DISC1: variants seen among roughly 807,000 people sequenced by gnomAD.
DISC1 encodes the protein DISC1 scaffold protein.
Under a neutral mutation model 84.5 loss-of-function variants are expected in DISC1, and 57 were observed. The observed-to-expected ratio is 0.67, with a 90% CI of 0.55 to 0.84. The LOEUF is 0.84. Ranked by LOEUF, DISC1 falls within the 40% of genes least tolerant of loss-of-function variation. DISC1 has a pLI of 0.00. For missense variants in DISC1, 1,000 were observed against 1,057.8 expected, an observed-to-expected ratio of 0.95 and a Z score of 0.76; for synonymous variants, 411 against 415.2, an observed-to-expected ratio of 0.99 and a Z score of 0.12.
At chr1:231,673,806 G>A (rs2062854977) in intron 1 of DISC1, among the ~76,000 whole-genome samples, 1 of 152,220 alleles carries the variant, frequency 6.6e-6, no homozygotes. Flanking sequence ...AGGTTGGAGT[G>A]TCTCATAGAT....
chr1:232,024,016 T>A (rs57191731), intron 11 of DISC1, among the ~76,000 whole-genome samples: 3,228 of 138,760 alleles, frequency 0.023, 94 homozygotes, highest in African/African-American at 0.07. Context: ...TCAGTAAAAA[T>A]ATATATATAT....
intron 9 of DISC1, among the ~76,000 whole-genome samples, chr1:231,856,940 G>A (rs907429038): frequency 2.6e-5 from 4 of 152,196 alleles, no homozygotes; most frequent in Admixed American, 6.5e-5. Context: ...GCAATCCTGC[G>A]GCGGCAGCAT....
Position 231,770,852 on chromosome 1 carries a change from C to G in DISC1, c.1416C>G (p.Leu472=). ...CTCTACAGAAAGAAATCGAAGCTCTCCAAGCAAGGATGTTTGTGCTGGAAG... is the reference window on the plus strand; with the variant it reads ...CTCTACAGAAAGAAATCGAAGCTCTGCAAGCAAGGATGTTTGTGCTGGAAG... ...KQQLQKEIEA[L]QARMFVLEAK... Residue 472 remains leucine (L), a synonymous_variant, in exon 6 of 13, where the codon CTC becomes CTG. Transcript: ENST00000439617. 6.2e-7 allele frequency: 1 copy of G among 1,614,146 alleles called. No homozygotes were observed. The highest frequency in any genetic ancestry group is 8.5e-7 in the Non-Finnish European group (1 of 1,180,016).
chr1:231,819,008 A>C, intron 9 of DISC1: 1 of 995,500 alleles, frequency 1.0e-6, no homozygotes, highest in Non-Finnish European at 1.2e-6. Context: ...ATGCCGCCTT[A>C]GCCAAAGTGT....
chr1:231,844,095 C>T (rs1487316291), intron 9 of DISC1, among the ~76,000 whole-genome samples: 2 of 152,164 alleles, frequency 1.3e-5, no homozygotes, highest in African/African-American at 2.4e-5. Context: ...GGAGGACCGG[C>T]AGGAGTGTGT....
At chr1:231,764,405 A>G (rs892076656) in intron 4 of DISC1, among the ~76,000 whole-genome samples, 10 of 152,254 alleles carry the variant, frequency 6.6e-5, no homozygotes, top group African/African-American at 2.4e-4. Context: ...GATCAATGGA[A>G]AGAAATGATT....
intron 3 of DISC1, among the ~76,000 whole-genome samples, chr1:231,730,258 T>C (rs1167423562): frequency 2.0e-5 from 3 of 152,212 alleles, no homozygotes; most frequent in Non-Finnish European, 4.4e-5. Flanking sequence ...ATTTGTATGA[T>C]TCCAAAAATA....
rs534703275 is a variant in DISC1, at chr1:231,647,568, T to G, written c.67+20634T>G. 5.3e-5 allele frequency among the ~76,000 whole-genome samples: 8 copies of G among 152,334 alleles called. No homozygotes were observed. The South Asian group carries it at 1.7e-3, about 32-fold the overall frequency. On this transcript the variant is annotated intron_variant, in intron 1 of 12. Coordinates refer to ENST00000439617, the MANE Select transcript of DISC1 (RefSeq NM_018662.3). ...CTCTTTTTTGGTTCCATATGAACTT[T>G]AAAGTAGTTTTTTCCAATTCTGTGA...
chr1:231,648,205 A>G (rs2060298352), intron 1 of DISC1, among the ~76,000 whole-genome samples: 1 of 152,222 alleles, frequency 6.6e-6, no homozygotes, highest in Non-Finnish European at 1.5e-5. Flanking sequence ...TTTGTCATAA[A>G]TAGCTCTTAT....
At chr1:232,035,212 G>A (rs1434325982) in intron 12 of DISC1, among the ~76,000 whole-genome samples, 1 of 152,160 alleles carries the variant, frequency 6.6e-6, no homozygotes, top group African/African-American at 2.4e-5. Context: ...CACTTTGGGA[G>A]GCCAAGGCAG....
At chr1:231,804,906 C>T (rs554290641) in intron 8 of DISC1, among the ~76,000 whole-genome samples, 3 of 152,132 alleles carry the variant, frequency 2.0e-5, no homozygotes, top group East Asian at 3.9e-4. Context: ...AAGCGTAATC[C>T]GGCCATGTTG....
chr1:231,642,470 G>A (rs1572420077), intron 1 of DISC1, among the ~76,000 whole-genome samples: 1 of 152,254 alleles, frequency 6.6e-6, no homozygotes, highest in African/African-American at 2.4e-5. Flanking sequence ...GTCACCTCTC[G>A]TGAGTATCTC....
chr1:231,854,054 C>G, intron 9 of DISC1, among the ~76,000 whole-genome samples: 1 of 152,176 alleles, frequency 6.6e-6, no homozygotes, highest in Non-Finnish European at 1.5e-5. Context: ...CAGTCTAGGG[C>G]GGCCCAAGGG....
chr1:231,931,973 C>T (rs1170606775), intron 9 of DISC1, among the ~76,000 whole-genome samples: 3 of 152,026 alleles, frequency 2.0e-5, no homozygotes, highest in Non-Finnish European at 2.9e-5. Context: ...TATTTTTCAC[C>T]AGCTCATGGC....
chr1:232,032,417 C>T (rs1423021368), intron 12 of DISC1, among the ~76,000 whole-genome samples: 1 of 152,156 alleles, frequency 6.6e-6, no homozygotes, highest in East Asian at 1.9e-4. Context: ...CCTGAATGCA[C>T]CTGTCCTGCT....
At chr1:231,844,420 A>G (rs1574221171) in intron 9 of DISC1, among the ~76,000 whole-genome samples, 1 of 152,026 alleles carries the variant, frequency 6.6e-6, no homozygotes. Context: ...CAGGTGCGCC[A>G]CCTCCCAGCA....
At chr1:231,804,494 G>A (rs2079551999) in intron 8 of DISC1, among the ~76,000 whole-genome samples, 1 of 145,414 alleles carries the variant, frequency 6.9e-6, no homozygotes, top group African/African-American at 2.5e-5. Flanking sequence ...GTGTTGCTCT[G>A]TTACCCAGGC....
chr1:231,795,100 A>C lies in DISC1; in HGVS notation c.1635-142A>C, dbSNP rs978969217. On this transcript the variant is annotated intron_variant, in intron 6 of 12. Transcript: ENST00000439617. ...CCATATTTATTCCGTAGTCAAATGG[A>C]GCCAATTTGGCATCATCTTTCCTCC... The C allele has an allele frequency of 3.1e-5, 24 of 766,668 alleles. No individual in the cohort carries two copies. The East Asian group carries it at 6.3e-4, about 20-fold the overall frequency. The allele number at this position is 766,668 out of a possible 1,614,324, so 47.5% of individuals were successfully genotyped here. A position where few individuals can be genotyped will look rare whatever the true frequency, so the allele number is the denominator to read the frequency against.
intron 9 of DISC1, among the ~76,000 whole-genome samples, chr1:231,844,629 A>G (rs528278252): frequency 6.6e-6 from 1 of 152,284 alleles, no homozygotes; most frequent in Non-Finnish European, 1.5e-5. Context: ...AGGAAGGTTT[A>G]AAAATTTTCT....
Sources: gnomAD v4.1 joint callset for allele counts (sites outside exome capture counted in the v4.1 genomes callset) on GRCh38, gnomAD v4.1.1 for gene constraint, MANE v1.5 for transcripts, NCBI Gene and HGNC (gene_info 2026-07-23, HGNC 2026-07-21) for gene names.